Variants in SGCG observed in about 807,000 individuals in gnomAD.
SGCG encodes the protein gamma-sarcoglycan.
SGCG carries 26 observed loss-of-function variants against 29.3 expected under a neutral mutation model. The ratio of observed to expected loss-of-function variants is 0.89; its 90% CI spans 0.65 to 1.23. The LOEUF is 1.23. SGCG is among the 50% of genes most tolerant of loss of function. The pLI is 0.00. For missense variants in SGCG, 353 were observed against 356.0 expected (o/e 0.99, Z 0.07); for synonymous variants, 145 against 129.7 (o/e 1.12, Z -0.80).
At chr13:23,165,749 A>G in the SGCG span, among the ~76,000 whole-genome samples, 3 of 152,066 alleles carry the variant, frequency 2.0e-5, no homozygotes, top group South Asian at 6.3e-4. Context: ...GTGGTCTCGA[A>G]CTCCTGACCT....
Position 23,203,873 on chromosome 13 carries a change from T to G in SGCG, c.179T>G (p.Val60Gly). Residue 60 changes from valine to glycine, a missense_variant, in exon 2 of 8, where the codon GTG becomes GGG. Transcript: ENST00000218867. ...GCTCTTACAATTTGGATTCTTAAAG[T>G]GATGTGGTTTTCTCCAGTAAGTATC... ...NLALTIWILK[V>G]MWFSPAGMGH... 6 of 1,610,654 alleles carry G rather than the reference T, an allele frequency of 3.7e-6. No homozygotes were observed. The highest frequency in any genetic ancestry group is 5.1e-6 in the Non-Finnish European group (6 of 1,176,776).
intron 5 of SGCG, among the ~76,000 whole-genome samples, chr13:23,281,768 A>C (rs1241230062): frequency 6.6e-6 from 1 of 152,156 alleles, no homozygotes; most frequent in Admixed American, 6.5e-5. Context: ...TCCTATGAGA[A>C]TCTAATGCCT....
In SGCG at chr13:23,289,658, C is replaced by A. The variant is rs142526081; in HGVS notation, c.506-5757C>A. On this transcript the variant is annotated intron_variant, in intron 5 of 7. Transcript: ENST00000218867. ...AAACTGACATTCATTGTGATAAGTT[C>A]TCTATTTGTCTTATCTGTGCCATAT... 9.2e-5 allele frequency among the ~76,000 whole-genome samples: 14 copies of A among 151,974 alleles called. No homozygotes were observed. The East Asian group carries it at 2.7e-3, about 29-fold the overall frequency.
At position 23,279,255 on chromosome 13, in the gene SGCG, C is replaced by G. The variant is rs74716052; in HGVS notation, c.386-104C>G. 2,003 of 1,074,574 alleles carry G rather than the reference C, an allele frequency of 1.9e-3. 30 individuals are homozygous for G. In the African/African-American group the frequency reaches 0.027, roughly 15 times the overall value. The allele number at this position is 1,074,574 out of a possible 1,614,324, so 66.6% of individuals were successfully genotyped here. A position where few individuals can be genotyped will look rare whatever the true frequency, so the allele number is the denominator to read the frequency against. On this transcript the variant is annotated intron_variant, in intron 4 of 7. Coordinates refer to ENST00000218867, the MANE Select transcript of SGCG (RefSeq NM_000231.3). ...CCACTAATGGTAACAAATACCAAGT[C>G]TTTAGATACTTGGTATTGTAGGGTT...
intron 1 of SGCG, among the ~76,000 whole-genome samples, chr13:23,197,769 G>C (rs1877570178): frequency 6.6e-6 from 1 of 152,148 alleles, no homozygotes; most frequent in Non-Finnish European, 1.5e-5. Flanking sequence ...AGTAACCGGA[G>C]AAAATATAGG....
chr13:23,264,235 C>T (rs1187978059), intron 4 of SGCG, among the ~76,000 whole-genome samples: 1 of 152,000 alleles, frequency 6.6e-6, no homozygotes, highest in African/African-American at 2.4e-5. Context: ...AGTAAAGTCT[C>T]AGGTTACAAA....
intron 6 of SGCG, among the ~76,000 whole-genome samples, chr13:23,302,484 T>C (rs1014888190): frequency 1.3e-5 from 2 of 152,028 alleles, no homozygotes; most frequent in African/African-American, 4.8e-5. Flanking sequence ...TTATTGTATA[T>C]TTTCAAATAA....
At chr13:23,301,891 CAAAAAA>C (rs869193118) in intron 6 of SGCG, among the ~76,000 whole-genome samples, 4 of 57,900 alleles carry the variant, frequency 6.9e-5, no homozygotes, top group Admixed American at 2.4e-4. Context: ...GACTCCATCT[CAAAAAA>C]AAAAAGAAAA....
In SGCG at chr13:23,299,411, TATATATATATATATATA is replaced by T. The variant is rs1566037305; in HGVS notation, c.578+3925_578+3941del. On this transcript the variant is annotated intron_variant, in intron 6 of 7. Transcript: ENST00000218867. ...ATTCTGGAATATCTTAGTTGGCATATATATATATATATATATATATATATATATATATATATATATAT... is the reference window on the plus strand; with the variant it reads ...ATTCTGGAATATCTTAGTTGGCATATTATATATATATATATATATATATAT... Among the ~76,000 whole-genome samples the T allele has an allele frequency of 7.0e-4, 23 of 32,876 alleles. 5 individuals carry two copies. The highest frequency in any genetic ancestry group is 3.6e-3 in the South Asian group (3 of 844). The allele number at this position is 32,876 out of a possible 152,430, so 21.6% of individuals were successfully genotyped here.
At chr13:23,223,197 G>A (rs1459920370) in intron 2 of SGCG, among the ~76,000 whole-genome samples, 2 of 148,932 alleles carry the variant, frequency 1.3e-5, no homozygotes, top group Non-Finnish European at 3.0e-5. Context: ...AGAATGGCAT[G>A]AACCTGGAAG....
the SGCG span, among the ~76,000 whole-genome samples, chr13:23,175,412 T>G: frequency 6.6e-6 from 1 of 152,184 alleles, no homozygotes; most frequent in East Asian, 1.9e-4. Context: ...CTTAACATAT[T>G]TCCTGTGATT....
intron 2 of SGCG, among the ~76,000 whole-genome samples, chr13:23,204,734 C>T (rs1877919974): frequency 8.1e-6 from 1 of 123,348 alleles, no homozygotes; most frequent in Non-Finnish European, 1.6e-5. Context: ...GAGACGGAGT[C>T]TCACTCTGTT....
intron 7 of SGCG, among the ~76,000 whole-genome samples, chr13:23,323,794 A>C (rs989174751): frequency 6.6e-6 from 1 of 152,228 alleles, no homozygotes; most frequent in Admixed American, 6.5e-5. Flanking sequence ...AATAGGATGA[A>C]TTTAATTGCC....
At chr13:23,315,630 C>T (rs1316950073) in intron 6 of SGCG, among the ~76,000 whole-genome samples, 4 of 152,176 alleles carry the variant, frequency 2.6e-5, no homozygotes, top group Admixed American at 1.3e-4. Flanking sequence ...TGAAGGACAG[C>T]AGTGAAGGGG....
At chr13:23,170,369 A>G in the SGCG span, among the ~76,000 whole-genome samples, 1 of 152,282 alleles carries the variant, frequency 6.6e-6, no homozygotes, top group Admixed American at 6.5e-5. Context: ...GTATACACAC[A>G]TTAATTGAAA....
chr13:23,197,147 G>A (rs115711701), intron 1 of SGCG, among the ~76,000 whole-genome samples: 2,129 of 151,954 alleles, frequency 0.014, 52 homozygotes, highest in African/African-American at 0.049. Context: ...TGTTACTGTA[G>A]CACAAAGCTG....
At chr13:23,318,869 A>C (rs1190260951) in intron 6 of SGCG, among the ~76,000 whole-genome samples, 1 of 152,222 alleles carries the variant, frequency 6.6e-6, no homozygotes, top group African/African-American at 2.4e-5. Context: ...TGATCTTGGA[A>C]ACACCCACTT....
intron 2 of SGCG, among the ~76,000 whole-genome samples, chr13:23,210,158 A>G (rs938033788): frequency 8.5e-5 from 13 of 152,112 alleles, no homozygotes; most frequent in Non-Finnish European, 1.8e-4. Context: ...TGTTTTAACC[A>G]CTTCCTACTG....
At chr13:23,175,602 C>G in the SGCG span, among the ~76,000 whole-genome samples, 4 of 151,808 alleles carry the variant, frequency 2.6e-5, no homozygotes, top group Admixed American at 2.6e-4. Context: ...CCCCTGAAAT[C>G]TGAGTTTTCT....
Sources: gnomAD v4.1 joint callset for allele counts (sites outside exome capture counted in the v4.1 genomes callset) on GRCh38, gnomAD v4.1.1 for gene constraint, MANE v1.5 for transcripts, NCBI Gene and HGNC (gene_info 2026-07-23, HGNC 2026-07-21) for gene names.